Variants in PPARGC1A observed in about 807,000 individuals in gnomAD.
PPARGC1A encodes the protein PPARG coactivator 1 alpha.
In PPARGC1A, 25 loss-of-function variants were observed where a neutral mutation model predicts 88.7. That is an observed-to-expected ratio of 0.28 (90% CI 0.21 to 0.39). PPARGC1A has a LOEUF of 0.39. PPARGC1A is among the 10% of genes least tolerant of loss of function. The pLI is 1.00. For synonymous variants in PPARGC1A, 363 were observed against 355.6 expected, an observed-to-expected ratio of 1.02 and a Z score of -0.24; for missense variants, 880 against 968.7, an observed-to-expected ratio of 0.91 and a Z score of 1.22.
the PPARGC1A span, among the ~76,000 whole-genome samples, chr4:23,934,462 T>C: frequency 1.3e-5 from 2 of 152,140 alleles, no homozygotes; most frequent in Non-Finnish European, 1.5e-5. Context: ...GGTGGGGTTT[T>C]TGTTTTGTTT....
chr4:24,065,319 C>T, the PPARGC1A span, among the ~76,000 whole-genome samples: 1 of 152,066 alleles, frequency 6.6e-6, no homozygotes, highest in African/African-American at 2.4e-5. Context: ...TCCCTTCCCC[C>T]ACAGAACTAC....
chr4:24,210,123 G>A, the PPARGC1A span, among the ~76,000 whole-genome samples: 39 of 152,230 alleles, frequency 2.6e-4, no homozygotes, highest in African/African-American at 9.4e-4. Context: ...CCTTGTCCTA[G>A]GTTTGAGGAC....
intron 2 of PPARGC1A, among the ~76,000 whole-genome samples, chr4:23,853,135 G>C (rs1410197490): frequency 2.0e-5 from 3 of 151,958 alleles, no homozygotes; most frequent in Admixed American, 2.0e-4. Flanking sequence ...ATTAGAAGAA[G>C]GTTTTCATTA....
the PPARGC1A span, among the ~76,000 whole-genome samples, chr4:23,970,198 C>T: frequency 1.2e-4 from 18 of 152,316 alleles, no homozygotes; most frequent in African/African-American, 4.3e-4. Context: ...ACTGAGGAAA[C>T]ATATGATCAC....
At chr4:24,179,529 T>C in the PPARGC1A span, among the ~76,000 whole-genome samples, 1 of 152,128 alleles carries the variant, frequency 6.6e-6, no homozygotes, top group Admixed American at 6.6e-5. Context: ...AACAAGCCCA[T>C]GCTAGCCTGC....
At chr4:23,910,255 T>TATATATAATATATATAA in the PPARGC1A span, among the ~76,000 whole-genome samples, 4 of 80,906 alleles carry the variant, frequency 4.9e-5, no homozygotes, top group African/African-American at 1.6e-4. Context: ...AAATATATAT[T>TATATATAATATATATAA]ATATATATTA....
At chr4:24,209,662 T>C in the PPARGC1A span, among the ~76,000 whole-genome samples, 2 of 152,196 alleles carry the variant, frequency 1.3e-5, no homozygotes, top group Non-Finnish European at 2.9e-5. Context: ...GAAAGGAGCA[T>C]TGCCTAGATT....
chr4:24,294,920 G>C, the PPARGC1A span, among the ~76,000 whole-genome samples: 10 of 152,290 alleles, frequency 6.6e-5, no homozygotes, highest in South Asian at 1.9e-3. Context: ...AGCACAGCTA[G>C]GCCCCTTACT....
At chr4:24,323,023 G>A in the PPARGC1A span, among the ~76,000 whole-genome samples, 1 of 152,134 alleles carries the variant, frequency 6.6e-6, no homozygotes, top group African/African-American at 2.4e-5. Context: ...ATTTTTTTGA[G>A]CATGGGTTTG....
chr4:24,240,635 T>C, the PPARGC1A span, among the ~76,000 whole-genome samples: 1 of 152,144 alleles, frequency 6.6e-6, no homozygotes, highest in African/African-American at 2.4e-5. Context: ...AAGCACAAAC[T>C]GATTAATTTT....
chr4:24,426,310 G>C, the PPARGC1A span, among the ~76,000 whole-genome samples: 2 of 152,126 alleles, frequency 1.3e-5, no homozygotes. Flanking sequence ...CTAATTTAAA[G>C]GGGAAGAAAA....
chr4:23,798,660 C>T (rs1718081710), intron 12 of PPARGC1A, among the ~76,000 whole-genome samples: 1 of 151,914 alleles, frequency 6.6e-6, no homozygotes, highest in African/African-American at 2.4e-5. Context: ...TAATACTGAC[C>T]CATCTTTCTG....
At chr4:24,286,292 T>G in the PPARGC1A span, among the ~76,000 whole-genome samples, 1 of 152,208 alleles carries the variant, frequency 6.6e-6, no homozygotes, top group African/African-American at 2.4e-5. Context: ...GGGAAAGGTA[T>G]AGAATTATCT....
the PPARGC1A span, among the ~76,000 whole-genome samples, chr4:24,335,119 T>C: frequency 3.9e-5 from 6 of 152,156 alleles, no homozygotes; most frequent in Admixed American, 2.6e-4. Flanking sequence ...TCTAAATTGC[T>C]AGGCAGGGGC....
chr4:24,264,423 G>A, the PPARGC1A span, among the ~76,000 whole-genome samples: 69,731 of 152,042 alleles, frequency 0.46, 16,470 homozygotes, highest in Non-Finnish European at 0.51. Context: ...AGGGCCCACA[G>A]GAGCAGAAAA....
chr4:23,895,978 GTGTATATATATA>G (rs1204207159), intron 1 of PPARGC1A, among the ~76,000 whole-genome samples: 34 of 40,670 alleles, frequency 8.4e-4, no homozygotes, highest in African/African-American at 2.8e-3. Context: ...GTGTGTGTGT[GTGTATATATATA>G]TACACACACA....
the PPARGC1A span, among the ~76,000 whole-genome samples, chr4:24,304,968 G>T: frequency 1.3e-5 from 2 of 151,962 alleles, no homozygotes; most frequent in Non-Finnish European, 1.5e-5. Flanking sequence ...CAGGTATGAA[G>T]TTATTATGGC....
chr4:24,333,940 C>CA, the PPARGC1A span, among the ~76,000 whole-genome samples: 314 of 13,830 alleles, frequency 0.023, 13 homozygotes, highest in African/African-American at 0.059. Flanking sequence ...ACAACAACAA[C>CA]AAAAAAAAAA....
the PPARGC1A span, among the ~76,000 whole-genome samples, chr4:24,016,101 C>A: frequency 1.3e-5 from 2 of 152,142 alleles, no homozygotes; most frequent in African/African-American, 4.8e-5. Context: ...GCCAAAATGT[C>A]AGAATTCCAA....
Sources: allele counts gnomAD v4.1 joint callset (sites outside exome capture counted in the v4.1 genomes callset), GRCh38; gene constraint gnomAD v4.1.1; transcripts MANE v1.5; gene names NCBI Gene and HGNC (gene_info 2026-07-23, HGNC 2026-07-21).